Variants in CCNH observed in about 807,000 individuals in gnomAD.
CCNH encodes cyclin-H.
A neutral mutation model predicts 41.9 loss-of-function variants in CCNH; 31 were observed. The ratio of observed to expected loss-of-function variants is 0.74; its 90% CI spans 0.56 to 1.00. CCNH has a LOEUF of 1.00. Among genes scored for constraint, CCNH ranks in the 50% least tolerant of loss-of-function variants. CCNH has a pLI of 0.00. For synonymous variants in CCNH, 138 were observed against 136.1 expected, an observed-to-expected ratio of 1.01 and a Z score of -0.10; for missense variants, 362 against 388.4, an observed-to-expected ratio of 0.93 and a Z score of 0.57.
intron 9 of CCNH, among the ~76,000 whole-genome samples, chr5:87,321,901 C>T (rs1756842986): frequency 6.6e-6 from 1 of 152,182 alleles, no homozygotes; most frequent in Non-Finnish European, 1.5e-5. Flanking sequence ...TAGAGTCCTG[C>T]CTTGGTGCAG....
chr5:87,408,264 A>G (rs1454547198), intron 3 of CCNH, 78 bp from the exon 4 acceptor site: 5 of 637,296 alleles, frequency 7.8e-6, no homozygotes, highest in Admixed American at 5.9e-5. Context: ...AGAAGTATCT[A>G]AATAATTTAT....
intron 9 of CCNH, chr5:87,383,696 AT>A: frequency 1.3e-6 from 2 of 1,517,602 alleles, no homozygotes; most frequent in South Asian, 1.2e-5. Flanking sequence ...AAAAAAAAAA[AT>A]TTCCCTCCCA....
At chr5:87,394,986 G>A (rs771328460) in intron 8 of CCNH, 58 bp downstream of exon 8, 1 of 1,611,134 alleles carries the variant, frequency 6.2e-7, no homozygotes, top group African/African-American at 1.3e-5. Flanking sequence ...TAACAGTATA[G>A]TCACACCAGA....
At chr5:87,386,784 G>T (rs1158177186), downstream of CCNH, 5 of 1,541,042 alleles carry the variant, frequency 3.2e-6, no homozygotes, top group Admixed American at 6.7e-5. Context: ...TCAAACAGTG[G>T]TTTGTTTCTG....
downstream of CCNH, chr5:87,318,272 A>G (rs1408425029): frequency 6.6e-6 from 1 of 152,216 alleles, no homozygotes; most frequent in African/African-American, 2.4e-5. Context: ...GGCCTGTTAG[A>G]GGAGGAGTTT....
chr5:87,409,435 C>A, intron 2 of CCNH, 72 bp from the exon 3 acceptor site: 2 of 837,050 alleles, frequency 2.4e-6, no homozygotes, highest in East Asian at 2.6e-5. Flanking sequence ...TGAAACAGAA[C>A]TTATTTATGG....
intron 6 of CCNH, among the ~76,000 whole-genome samples, chr5:87,401,347 T>C (rs914778290): frequency 6.6e-6 from 1 of 152,264 alleles, no homozygotes; most frequent in East Asian, 1.9e-4. Context: ...ATCTACAAAA[T>C]AGAAGTTCCA....
intron 7 of CCNH, among the ~76,000 whole-genome samples, chr5:87,398,202 A>C (rs1208801226): frequency 6.6e-6 from 1 of 152,232 alleles, no homozygotes; most frequent in East Asian, 1.9e-4. Context: ...CTATAACTAT[A>C]ATAAAACAAC....
intron 9 of CCNH, chr5:87,349,164 T>C (rs753127700): frequency 6.3e-7 from 1 of 1,592,754 alleles, no homozygotes; most frequent in East Asian, 2.2e-5. Flanking sequence ...TTAACATCTT[T>C]TCTTTTTTAT....
At chr5:87,371,965 G>A (rs912644315), downstream of CCNH, among the ~76,000 whole-genome samples, 2 of 151,574 alleles carry the variant, frequency 1.3e-5, no homozygotes, top group Non-Finnish European at 2.9e-5. Context: ...TTTTATTATT[G>A]GTTATTGTTA....
intron 9 of CCNH, among the ~76,000 whole-genome samples, chr5:87,367,986 T>C (rs758298030): frequency 4.6e-4 from 70 of 152,140 alleles, no homozygotes; most frequent in Non-Finnish European, 7.9e-4. Flanking sequence ...AAAAAAAAAT[T>C]ATCCTTAGGT....
intron 9 of CCNH, among the ~76,000 whole-genome samples, chr5:87,370,454 C>T (rs1760846828): frequency 6.6e-6 from 1 of 152,106 alleles, no homozygotes; most frequent in African/African-American, 2.4e-5. Flanking sequence ...TTAAAAAACA[C>T]TCTTTAAAAA....
intron 9 of CCNH, among the ~76,000 whole-genome samples, chr5:87,351,297 GAT>G (rs747594087): frequency 1.1e-4 from 16 of 151,632 alleles, no homozygotes; most frequent in Non-Finnish European, 1.6e-4. Flanking sequence ...TAAAGAAAAA[GAT>G]ATAGTTTCTT....
intron 8 of CCNH, 144 bp from the exon 9 acceptor site, chr5:87,394,628 C>CTGT (rs370919822): frequency 1.6e-5 from 23 of 1,467,608 alleles, no homozygotes; most frequent in Middle Eastern, 1.9e-4. Flanking sequence ...TAATAGTTCA[C>CTGT]TGTTAGTAAT....
downstream of CCNH, among the ~76,000 whole-genome samples, chr5:87,388,665 T>C (rs956454960): frequency 6.6e-6 from 1 of 152,210 alleles, no homozygotes; most frequent in African/African-American, 2.4e-5. Flanking sequence ...TAACACTGAT[T>C]ATTCCCACAC....
At chr5:87,329,171 G>T (rs529172205) in intron 9 of CCNH, among the ~76,000 whole-genome samples, 3 of 152,016 alleles carry the variant, frequency 2.0e-5, no homozygotes, top group East Asian at 3.9e-4. Flanking sequence ...TCGACTCGGT[G>T]TGGTGGCTCA....
downstream of CCNH, among the ~76,000 whole-genome samples, chr5:87,317,791 A>G (rs554095863): frequency 2.2e-4 from 33 of 151,732 alleles, no homozygotes; most frequent in African/African-American, 7.7e-4. Flanking sequence ...GCATACCACC[A>G]CACTCAGCTA....
In CCNH at chr5:87,365,730, T is replaced by C. The variant is rs557420485; in HGVS notation, c.*90+27040A>G. Among the ~76,000 whole-genome samples, 11 of 152,250 alleles carry C rather than the reference T, an allele frequency of 7.2e-5. No individual in the cohort carries two copies. The Middle Eastern group carries it at 0.01, about 141-fold the overall frequency. On this transcript the variant is annotated intron_variant and NMD_transcript_variant, in intron 9 of 9. Coordinates refer to the CCNH transcript ENST00000645953. ...TAATTTTAAAAAAATGTAACTCACT[T>C]ACTAGGACCTGAAAGAAATACATTT...
chr5:87,321,831 C>T (rs1278231950), intron 9 of CCNH, among the ~76,000 whole-genome samples: 1 of 152,206 alleles, frequency 6.6e-6, no homozygotes, highest in Non-Finnish European at 1.5e-5. Flanking sequence ...GAAGACCCCC[C>T]ATAGGACCCT....
Sources: gnomAD v4.1 joint callset for allele counts (sites outside exome capture counted in the v4.1 genomes callset) on GRCh38, gnomAD v4.1.1 for gene constraint, MANE v1.5 for transcripts, NCBI Gene and HGNC (gene_info 2026-07-23, HGNC 2026-07-21) for gene names.